The following NAV3 variants were observed in gnomAD, a reference collection of about 807,000 sequenced individuals.
The protein encoded by NAV3 is pore membrane and/or filament interacting like protein 1.
Under a neutral mutation model 244.7 loss-of-function variants are expected in NAV3, and 87 were observed. The ratio of observed to expected loss-of-function variants is 0.36; its 90% CI spans 0.30 to 0.42. The LOEUF is 0.42. NAV3 is among the 20% of genes least tolerant of loss of function. The pLI is 1.00. For synonymous variants in NAV3, 1,126 were observed against 1,042.2 expected, an observed-to-expected ratio of 1.08 and a Z score of -1.55; for missense variants, 2,663 against 2,893.3, an observed-to-expected ratio of 0.92 and a Z score of 1.83.
chr12:77,842,975 T>C (rs1875948648), intron 1 of NAV3, among the ~76,000 whole-genome samples: 1 of 152,224 alleles, frequency 6.6e-6, no homozygotes, highest in African/African-American at 2.4e-5. Context: ...TATTTCTCTT[T>C]ATTGTCCCTG....
intron 9 of NAV3, chr12:78,037,145 C>A (rs2137029635): frequency 1.4e-6 from 1 of 703,024 alleles, no homozygotes; most frequent in East Asian, 2.7e-5. Context: ...CTGCTGGGGG[C>A]AGCCAGTCAG....
At chr12:77,575,467 T>C (rs1869036475) in intron 2 of NAV3, among the ~76,000 whole-genome samples, 1 of 152,114 alleles carries the variant, frequency 6.6e-6, no homozygotes, top group Non-Finnish European at 1.5e-5. Flanking sequence ...AAAATTATCG[T>C]GGCATCTCAA....
intron 1 of NAV3, among the ~76,000 whole-genome samples, chr12:77,854,140 G>A (rs780963976): frequency 1.3e-5 from 2 of 151,998 alleles, no homozygotes; most frequent in African/African-American, 2.4e-5. Flanking sequence ...ATGGTTATTC[G>A]TTTTCAGACA....
intron 12 of NAV3, among the ~76,000 whole-genome samples, chr12:78,107,748 G>A (rs73145944): frequency 3.9e-3 from 599 of 152,140 alleles, no homozygotes; most frequent in Middle Eastern, 0.02. Context: ...AAATGCTCAA[G>A]GGAGGTCTGG....
rs11105836 is a variant in NAV3 at position 77,595,377 on chromosome 12, T to C, written c.72+23111T>C. On this transcript the variant is annotated intron_variant, in intron 2 of 8. Coordinates refer to the NAV3 transcript ENST00000550042. ...GCAGACAGCAGAAAATTGATTACCA[T>C]GGTTGGGAAGGTGGGAGAAATGGGG... is the stretch of plus-strand genomic sequence containing the variant. Among the ~76,000 whole-genome samples, 1,295 of 152,202 alleles carry C rather than the reference T, an allele frequency of 8.5e-3. 15 individuals are homozygous for C. Among genetic ancestry groups the C allele is most frequent in the African/African-American group, 0.029 (1,206 of 41,536 alleles).
At chr12:77,669,048 T>G (rs1003767949) in intron 2 of NAV3, among the ~76,000 whole-genome samples, 1 of 152,174 alleles carries the variant, frequency 6.6e-6, no homozygotes, top group African/African-American at 2.4e-5. Context: ...CCAGCAAATC[T>G]AAGTTTCGTA....
chr12:78,165,319 C>T (rs1957733394), intron 23 of NAV3, among the ~76,000 whole-genome samples: 1 of 151,924 alleles, frequency 6.6e-6, no homozygotes, highest in African/African-American at 2.4e-5. Context: ...ATCCCAGCCT[C>T]AATCTTCTCT....
chr12:77,629,188 C>A (rs1871775968), intron 2 of NAV3, among the ~76,000 whole-genome samples: 1 of 152,090 alleles, frequency 6.6e-6, no homozygotes, highest in African/African-American at 2.4e-5. Flanking sequence ...TTTTTAAGCC[C>A]ATAAATATTG....
intron 1 of NAV3, among the ~76,000 whole-genome samples, chr12:77,836,421 C>T (rs1311236961): frequency 6.6e-6 from 1 of 152,172 alleles, no homozygotes; most frequent in Non-Finnish European, 1.5e-5. Context: ...CTTGTGCAAA[C>T]TCAAGATTCT....
chr12:77,759,947 AG>A (rs1409153727), intron 2 of NAV3, among the ~76,000 whole-genome samples: 1 of 152,220 alleles, frequency 6.6e-6, no homozygotes, highest in Non-Finnish European at 1.5e-5. Context: ...AGATACCCAA[AG>A]AGTGGAATTA....
chr12:78,050,980 G>T lies in NAV3; in HGVS notation c.2349G>T (p.Thr783=), dbSNP rs35997153. The T allele has an allele frequency of 1.2e-5, 19 of 1,613,938 alleles. No individual in the cohort carries two copies. Among genetic ancestry groups the T allele is most frequent in the Non-Finnish European group, 1.5e-5 (18 of 1,180,040 alleles). The change falls in exon 11 of 40, where the codon ACG becomes ACT. Residue 783 remains threonine (T), a synonymous_variant. Coordinates refer to ENST00000397909, the MANE Select transcript of NAV3 (RefSeq NM_001024383.2). Reference sequence around the variant, plus strand: ...ACCCCTCGAGGTTCATGTATACCACGCCTCTCCGTCGAGCTGCTGTCTCTA... The same window carrying T: ...ACCCCTCGAGGTTCATGTATACCACTCCTCTCCGTCGAGCTGCTGTCTCTA... ...HTDPSRFMYT[T]PLRRAAVSRL...
chr12:77,664,867 A>T (rs1056939956), intron 2 of NAV3, among the ~76,000 whole-genome samples: 7 of 152,160 alleles, frequency 4.6e-5, no homozygotes, highest in African/African-American at 1.7e-4. Context: ...CTGTGACAAC[A>T]CATTATTTTT....
At chr12:77,935,804 G>A (rs1027499427) in intron 1 of NAV3, among the ~76,000 whole-genome samples, 2 of 152,204 alleles carry the variant, frequency 1.3e-5, no homozygotes, top group African/African-American at 4.8e-5. Context: ...GAAGGTGAAG[G>A]AGAAGCAAGA....
chr12:78,006,990 C>T lies in NAV3; in HGVS notation c.1452C>T (p.Val484=), dbSNP rs753624120. ...ATAAAGTTTGCACTGAAAAACCAGT[C>T]AAAGAAGAGAAGGATCAGGTGACAG... ...DKNKVCTEKP[V]KEEKDQVTEM... is the part of the protein sequence containing the mutation. Residue 484 remains valine, a synonymous_variant, in exon 8 of 40, where the codon GTC becomes GTT. Coordinates refer to ENST00000397909, the MANE Select transcript of NAV3 (RefSeq NM_001024383.2). The T allele has an allele frequency of 1.1e-5, 18 of 1,614,024 alleles. No individual in the cohort carries two copies. The South Asian group carries it at 1.8e-4, about 16-fold the overall frequency.
At chr12:78,154,319 A>ATTAC in intron 22 of NAV3, among the ~76,000 whole-genome samples, 3 of 97,040 alleles carry the variant, frequency 3.1e-5, no homozygotes, top group Admixed American at 2.5e-4. Flanking sequence ...TATAGTATAT[A>ATTAC]TATAGTATAT....
At chr12:78,047,718 G>T (rs994223687) in intron 9 of NAV3, among the ~76,000 whole-genome samples, 6 of 152,108 alleles carry the variant, frequency 3.9e-5, no homozygotes, top group Admixed American at 3.9e-4. Context: ...TATCTTTGTG[G>T]TGGTCCCTGT....
chr12:77,590,915 A>G (rs1400467476), intron 2 of NAV3, among the ~76,000 whole-genome samples: 1 of 152,214 alleles, frequency 6.6e-6, no homozygotes, highest in Non-Finnish European at 1.5e-5. Flanking sequence ...ACTTGACATC[A>G]TTAGGTGGTT....
chr12:78,181,089 A>C (rs751752199), intron 30 of NAV3, 44 bp downstream of exon 30: 1 of 1,579,498 alleles, frequency 6.3e-7, no homozygotes, highest in Non-Finnish European at 8.6e-7. Context: ...CATACCCATG[A>C]GTTAACGGGT....
intron 8 of NAV3, among the ~76,000 whole-genome samples, chr12:78,015,800 T>C (rs533937324): frequency 6.6e-6 from 1 of 152,096 alleles, no homozygotes; most frequent in Non-Finnish European, 1.5e-5. Flanking sequence ...GCAAAAAATG[T>C]CAATAATTAA....
Sources: allele counts gnomAD v4.1 joint callset (sites outside exome capture counted in the v4.1 genomes callset), GRCh38; gene constraint gnomAD v4.1.1; transcripts MANE v1.5; gene names NCBI Gene and HGNC (gene_info 2026-07-23, HGNC 2026-07-21).